Variants in GRM5 observed in about 807,000 individuals in gnomAD.
GRM5 encodes metabotropic glutamate receptor 5.
GRM5 carries 19 observed loss-of-function variants against 83.1 expected under a neutral mutation model. The ratio of observed to expected loss-of-function variants is 0.23; its 90% confidence interval spans 0.16 to 0.34. The LOEUF is 0.34. Among genes scored for constraint, GRM5 ranks in the 10% least tolerant of loss-of-function variants. GRM5 has a pLI of 1.00. For missense variants in GRM5, 1,160 were observed against 1,588.3 expected, an observed-to-expected ratio of 0.73 and a Z score of 4.58; for synonymous variants, 675 against 633.6, an observed-to-expected ratio of 1.07 and a Z score of -0.98.
At chr11:88,527,962 C>CA (rs1261909177) in intron 8 of GRM5, among the ~76,000 whole-genome samples, 2 of 151,804 alleles carry the variant, frequency 1.3e-5, no homozygotes. Context: ...GAGTGAGGAT[C>CA]AAAAAACTAC....
intron 2 of GRM5, among the ~76,000 whole-genome samples, chr11:88,965,442 TC>T (rs1473651889): frequency 6.6e-6 from 1 of 152,036 alleles, no homozygotes; most frequent in East Asian, 1.9e-4. Context: ...AAACCCTACC[TC>T]CAAATACCAT....
chr11:88,734,694 C>T (rs1326699523), intron 3 of GRM5, among the ~76,000 whole-genome samples: 1 of 152,002 alleles, frequency 6.6e-6, no homozygotes, highest in Non-Finnish European at 1.5e-5. Context: ...AGAATATTTT[C>T]ATCATTTTCT....
rs143760903 is a variant in GRM5 at position 88,779,728 on chromosome 11, T to C, written c.911+70178A>G. On this transcript the variant is annotated intron_variant, in intron 3 of 9. Coordinates refer to ENST00000305447, the MANE Select transcript of GRM5 (RefSeq NM_001143831.3). ...ATATTGCAGCTAAAATTTTTCCTTA[T>C]TTGGATTCTTAGTCACCGAAAAGCA... Among the ~76,000 whole-genome samples the C allele has an allele frequency of 5.3e-5, 8 of 152,288 alleles. No homozygotes were observed. The South Asian group carries it at 8.3e-4, about 16-fold the overall frequency.
chr11:88,976,325 A>G (rs1003207806), intron 2 of GRM5, among the ~76,000 whole-genome samples: 1 of 152,006 alleles, frequency 6.6e-6, no homozygotes, highest in South Asian at 2.1e-4. Flanking sequence ...AAAAATTGAG[A>G]CCTGGCTGGA....
At chr11:88,948,987 A>G (rs575793976) in intron 2 of GRM5, among the ~76,000 whole-genome samples, 11 of 152,342 alleles carry the variant, frequency 7.2e-5, no homozygotes, top group African/African-American at 2.6e-4. Flanking sequence ...GAAAGATATT[A>G]CTGTGTGCCC....
chr11:88,933,187 A>AGTTT (rs773606488), intron 2 of GRM5, among the ~76,000 whole-genome samples: 1 of 106,318 alleles, frequency 9.4e-6, no homozygotes, highest in African/African-American at 3.6e-5. Context: ...TATTTGGGGC[A>AGTTT]TTTTTTTTTT....
At chr11:88,603,361 A>G (rs920772252) in intron 5 of GRM5, among the ~76,000 whole-genome samples, 2 of 152,184 alleles carry the variant, frequency 1.3e-5, no homozygotes, top group Non-Finnish European at 2.9e-5. Flanking sequence ...TCCTAAGCTG[A>G]TGTCAGAACT....
chr11:88,866,919 C>CAT (rs1944677635), intron 2 of GRM5, among the ~76,000 whole-genome samples: 1 of 152,138 alleles, frequency 6.6e-6, no homozygotes, highest in South Asian at 2.1e-4. Flanking sequence ...TAGTTTTCTG[C>CAT]ATAAGGCTAG....
chr11:88,790,021 G>A (rs1190660206), intron 3 of GRM5, among the ~76,000 whole-genome samples: 4 of 152,060 alleles, frequency 2.6e-5, no homozygotes, highest in East Asian at 1.9e-4. Flanking sequence ...GCAACACCAC[G>A]CCTGGCAAAT....
intron 2 of GRM5, among the ~76,000 whole-genome samples, chr11:88,987,459 G>A (rs1939767143): frequency 6.6e-6 from 1 of 151,778 alleles, no homozygotes; most frequent in African/African-American, 2.4e-5. Context: ...GCCCAGGCTT[G>A]CTTAGGTAAA....
At chr11:88,723,664 C>T (rs1048159483) in intron 3 of GRM5, among the ~76,000 whole-genome samples, 2 of 151,954 alleles carry the variant, frequency 1.3e-5, no homozygotes, top group African/African-American at 2.4e-5. Context: ...CACTGTGGAA[C>T]ATTCCTTCCC....
intron 1 of GRM5, among the ~76,000 whole-genome samples, chr11:89,059,644 C>T (rs1486645359): frequency 6.6e-6 from 1 of 152,044 alleles, no homozygotes; most frequent in Non-Finnish European, 1.5e-5. Context: ...AAGACACAAT[C>T]CATAGGGCAG....
chr11:88,516,927 C>T (rs1017417756), intron 9 of GRM5, among the ~76,000 whole-genome samples: 1 of 151,610 alleles, frequency 6.6e-6, no homozygotes, highest in African/African-American at 2.4e-5. Flanking sequence ...TTCTCTGGAC[C>T]CTTAAAAATT....
intron 2 of GRM5, among the ~76,000 whole-genome samples, chr11:88,942,753 A>G: frequency 6.6e-6 from 1 of 151,970 alleles, no homozygotes; most frequent in Middle Eastern, 3.4e-3. Context: ...AAAATGGGAC[A>G]CAACTGAAGT....
intron 2 of GRM5, among the ~76,000 whole-genome samples, chr11:88,993,081 A>T (rs1591029297): frequency 6.6e-6 from 1 of 151,716 alleles, no homozygotes. Context: ...CCTATCTAAC[A>T]TAGTGAAACC....
chr11:88,857,990 T>C (rs1048699859), intron 2 of GRM5, among the ~76,000 whole-genome samples: 5 of 152,046 alleles, frequency 3.3e-5, no homozygotes, highest in African/African-American at 4.8e-5. Context: ...GTACCTGAAT[T>C]ATAAATGTCA....
intron 3 of GRM5, among the ~76,000 whole-genome samples, chr11:88,659,907 A>C (rs557493362): frequency 6.6e-6 from 1 of 151,262 alleles, no homozygotes; most frequent in Non-Finnish European, 1.5e-5. Context: ...TTCATTTCCT[A>C]TCCATATATG....
At chr11:88,853,210 A>G (rs1308766834) in intron 2 of GRM5, among the ~76,000 whole-genome samples, 1 of 152,168 alleles carries the variant, frequency 6.6e-6, no homozygotes, top group Non-Finnish European at 1.5e-5. Flanking sequence ...ACTTACAGGT[A>G]TAACGATGCA....
chr11:88,877,891 A>T (rs1022131423), intron 2 of GRM5, among the ~76,000 whole-genome samples: 21 of 151,926 alleles, frequency 1.4e-4, no homozygotes, highest in African/African-American at 5.1e-4. Context: ...GCATTGGGAG[A>T]GATATCTAAT....
Sources: allele counts gnomAD v4.1 joint callset (sites outside exome capture counted in the v4.1 genomes callset), GRCh38; gene constraint gnomAD v4.1.1; transcripts MANE v1.5; gene names NCBI Gene and HGNC (gene_info 2026-07-23, HGNC 2026-07-21).